The following RNF220 variants were observed in gnomAD, a reference collection of about 807,000 sequenced individuals.
RNF220 encodes the protein ring finger protein 220, also known as E3 ubiquitin-protein ligase RNF220.
A neutral mutation model predicts 67.1 loss-of-function variants in RNF220; 7 were observed. The observed-to-expected ratio is 0.10, with a 90% CI of 0.06 to 0.20. The LOEUF (loss-of-function observed/expected upper bound fraction) is 0.20. Among genes scored for constraint, RNF220 ranks in the 10% least tolerant of loss-of-function variants. The pLI is 1.00. For missense variants in RNF220, 565 were observed against 740.3 expected, an observed-to-expected ratio of 0.76 and a Z score of 2.75; for synonymous variants, 270 against 283.2, an observed-to-expected ratio of 0.95 and a Z score of 0.47.
intron 2 of RNF220, among the ~76,000 whole-genome samples, chr1:44,440,101 T>C (rs1651397864): frequency 6.6e-6 from 1 of 152,210 alleles, no homozygotes; most frequent in South Asian, 2.1e-4. Flanking sequence ...TCTAGAACTA[T>C]AAGTCATGGT....
rs910645156 is a variant in RNF220 at position 44,486,349 on chromosome 1, T to C, written c.625+73627T>C. Among the ~76,000 whole-genome samples the C allele has an allele frequency of 1.2e-4, 18 of 152,198 alleles. No individual in the cohort carries two copies. In the East Asian group the frequency reaches 3.1e-3, roughly 26 times the overall value. ...GCCAGAGCTTCAAAGTCAGAGAAAATCACGGGCAATAGACAGAGGCTCATT... is the reference window on the plus strand; with the variant it reads ...GCCAGAGCTTCAAAGTCAGAGAAAACCACGGGCAATAGACAGAGGCTCATT... On this transcript the variant is annotated intron_variant, in intron 2 of 14. Transcript: ENST00000361799.
At chr1:44,571,647 T>C (rs1664451992) in intron 2 of RNF220, among the ~76,000 whole-genome samples, 1 of 152,222 alleles carries the variant, frequency 6.6e-6, no homozygotes, top group African/African-American at 2.4e-5. Context: ...CTCATGATCT[T>C]CCATGTAAAT....
rs967517301 is a variant in RNF220 at position 44,621,569 on chromosome 1, C to G, written c.759-1173C>G. ...GGATGTCCCCTGTGCAGGTGAACATCCCTTCCCCTTCTCCCCTGTCCCCCA... is the reference window on the plus strand; with the variant it reads ...GGATGTCCCCTGTGCAGGTGAACATGCCTTCCCCTTCTCCCCTGTCCCCCA... On this transcript the variant is annotated intron_variant, in intron 3 of 14. Transcript: ENST00000361799. This position sits in a 1 kb window ranked among gnomAD's most constrained non-coding sequence, Gnocchi z 4.8. 6.6e-6 allele frequency among the ~76,000 whole-genome samples: 1 copy of G among 152,188 alleles called. No homozygotes were observed. Among genetic ancestry groups the G allele is most frequent in the African/African-American group, 2.4e-5 (1 of 41,446 alleles).
At chr1:44,574,864 T>G (rs1350432817) in intron 2 of RNF220, among the ~76,000 whole-genome samples, 4 of 58,054 alleles carry the variant, frequency 6.9e-5, no homozygotes, top group East Asian at 6.8e-4. Context: ...TGCATTTGTG[T>G]TTTTTTTTTA....
intron 2 of RNF220, among the ~76,000 whole-genome samples, chr1:44,439,880 C>T (rs1049452417): frequency 5.3e-5 from 8 of 152,174 alleles, no homozygotes; most frequent in East Asian, 1.9e-4. Flanking sequence ...ACAGACCAGT[C>T]GTTGAAATAA....
intron 2 of RNF220, among the ~76,000 whole-genome samples, chr1:44,581,809 AC>A (rs1180918778): frequency 6.6e-6 from 1 of 152,062 alleles, no homozygotes; most frequent in African/African-American, 2.4e-5. Flanking sequence ...CAAAGCTAGG[AC>A]CCAAGCCTGC....
intron 2 of RNF220, among the ~76,000 whole-genome samples, chr1:44,459,898 C>CGAAACAGTCAG (rs1553223533): frequency 6.6e-6 from 1 of 152,056 alleles, no homozygotes; most frequent in African/African-American, 2.4e-5. Flanking sequence ...TCACCAAGAC[C>CGAAACAGTCAG]GAAACAGTCA....
chr1:44,496,067 A>G (rs1249288337), intron 2 of RNF220, among the ~76,000 whole-genome samples: 1 of 152,230 alleles, frequency 6.6e-6, no homozygotes, highest in Admixed American at 6.5e-5. Context: ...GAAGAGGGGC[A>G]GAACATGCTC....
intron 2 of RNF220, 146 bp from the exon 3 acceptor site, chr1:44,614,019 C>G: frequency 2.1e-6 from 2 of 949,536 alleles, no homozygotes; most frequent in Non-Finnish European, 3.1e-6. Flanking sequence ...GAGGGGTGCT[C>G]GTGGGCTCTG....
At chr1:44,488,134 C>T (rs1438089958) in intron 2 of RNF220, among the ~76,000 whole-genome samples, 3 of 89,258 alleles carry the variant, frequency 3.4e-5, no homozygotes, top group Non-Finnish European at 4.4e-5. Flanking sequence ...CTATGCCTTG[C>T]TGATTTTTTT....
intron 2 of RNF220, among the ~76,000 whole-genome samples, chr1:44,588,112 A>C (rs1665841203): frequency 6.6e-6 from 1 of 152,202 alleles, no homozygotes; most frequent in Non-Finnish European, 1.5e-5. Flanking sequence ...GCTGGCAGGA[A>C]GCAATCAGGC....
intron 2 of RNF220, among the ~76,000 whole-genome samples, chr1:44,536,007 C>T (rs373109630): frequency 6.6e-5 from 10 of 152,192 alleles, no homozygotes; most frequent in South Asian, 2.1e-4. Flanking sequence ...CATCCCAACT[C>T]GCTATTAAGC....
intron 2 of RNF220, among the ~76,000 whole-genome samples, chr1:44,473,802 A>G (rs1655032161): frequency 6.6e-6 from 1 of 152,164 alleles, no homozygotes; most frequent in Non-Finnish European, 1.5e-5. Context: ...GACACTCTGT[A>G]TATCCTGTAT....
At chr1:44,461,667 G>A (rs1339168033) in intron 2 of RNF220, among the ~76,000 whole-genome samples, 1 of 152,120 alleles carries the variant, frequency 6.6e-6, no homozygotes. Flanking sequence ...TAATTAACTG[G>A]GTCAGGCCAT....
intron 2 of RNF220, among the ~76,000 whole-genome samples, chr1:44,580,714 A>T (rs1665212583): frequency 6.6e-6 from 1 of 152,156 alleles, no homozygotes; most frequent in South Asian, 2.1e-4. Flanking sequence ...CTTTATAGAG[A>T]ACAGTCTGGG....
chr1:44,565,021 A>C lies in RNF220; in HGVS notation c.626-49144A>C, dbSNP rs913108265. ...CATAGCATGGGCCTGGCCTGAATCA[A>C]CTCTATCCTTAGCACATAGCATGGG... On this transcript the variant is annotated intron_variant, in intron 2 of 14. Coordinates refer to ENST00000361799, the MANE Select transcript of RNF220 (RefSeq NM_018150.4). This position sits in a 1 kb window ranked among gnomAD's most constrained non-coding sequence, Gnocchi z 4.2. Among the ~76,000 whole-genome samples, 1 of 150,584 alleles carries C rather than the reference A, an allele frequency of 6.6e-6. No homozygotes were observed. Among genetic ancestry groups the C allele is most frequent in the African/African-American group, 2.4e-5 (1 of 41,122 alleles).
chr1:44,446,733 A>AT (rs1433211790), intron 2 of RNF220, among the ~76,000 whole-genome samples: 14 of 152,076 alleles, frequency 9.2e-5, no homozygotes, highest in African/African-American at 3.1e-4. Flanking sequence ...TAATTTTTGT[A>AT]TTTTTAGTAG....
intron 8 of RNF220, 43 bp from the exon 9 acceptor site, chr1:44,644,655 C>G (rs1293115873): frequency 3.2e-6 from 5 of 1,544,408 alleles, no homozygotes; most frequent in Admixed American, 1.7e-5. Flanking sequence ...CACCCTTGGC[C>G]TCGTCTTGTC....
chr1:44,571,305 A>T (rs1393882878), intron 2 of RNF220, among the ~76,000 whole-genome samples: 1 of 152,076 alleles, frequency 6.6e-6, no homozygotes, highest in Non-Finnish European at 1.5e-5. Context: ...CTCTACCTGA[A>T]ACACTCCTCC....
Sources: allele counts gnomAD v4.1 joint callset (sites outside exome capture counted in the v4.1 genomes callset), GRCh38; gene constraint gnomAD v4.1.1; non-coding constraint Gnocchi (gnomAD v3.1); transcripts MANE v1.5; gene names NCBI Gene and HGNC (gene_info 2026-07-23, HGNC 2026-07-21).